CSMD1: variants seen among roughly 807,000 people sequenced by gnomAD.
CSMD1 encodes the protein CUB and Sushi multiple domains 1, also known as CUB and sushi domain-containing protein 1.
CSMD1 carries 213 observed loss-of-function variants against 417.5 expected under a neutral mutation model. The observed-to-expected ratio is 0.51, with a 90% CI of 0.46 to 0.57. The LOEUF (loss-of-function observed/expected upper bound fraction) is 0.57. Among genes scored for constraint, CSMD1 ranks in the 20% least tolerant of loss-of-function variants. CSMD1 has a pLI of 0.00. For synonymous variants in CSMD1, 2,862 were observed against 1,736.8 expected (o/e 1.65, Z -16.11); for missense variants, 6,923 against 4,529.7 (o/e 1.53, Z -15.17).
intron 5 of CSMD1, among the ~76,000 whole-genome samples, chr8:3,912,300 A>C (rs1584952653): frequency 6.6e-6 from 1 of 152,150 alleles, no homozygotes; most frequent in African/African-American, 2.4e-5. Flanking sequence ...AATATTTTAT[A>C]TTTTAGTGAT....
chr8:4,161,630 A>G (rs569406757), intron 3 of CSMD1, among the ~76,000 whole-genome samples: 3 of 152,322 alleles, frequency 2.0e-5, no homozygotes, highest in African/African-American at 4.8e-5. Context: ...TAAAATGTCA[A>G]AAGTTTAATG....
chr8:3,882,232 T>C (rs769817310), intron 5 of CSMD1, among the ~76,000 whole-genome samples: 1 of 151,776 alleles, frequency 6.6e-6, no homozygotes, highest in Non-Finnish European at 1.5e-5. Context: ...GAAAAAAAAG[T>C]AATTGATTTG....
In CSMD1 at chr8:3,798,094, G is replaced by C. The variant is rs80089682; in HGVS notation, c.819-44052C>G. Among the ~76,000 whole-genome samples the C allele has an allele frequency of 6.7e-3, 1,020 of 151,978 alleles. 5 individuals are homozygous for C. The highest frequency in any genetic ancestry group is 0.011 in the Non-Finnish European group (771 of 67,864). Reference sequence around the variant, plus strand: ...AAGTATTGTGATGATTGAAGTCTTAGTGGGTTTTTTATTATTTATTTAGAG... The same window carrying C: ...AAGTATTGTGATGATTGAAGTCTTACTGGGTTTTTTATTATTTATTTAGAG... On this transcript the variant is annotated intron_variant, in intron 5 of 69. Coordinates refer to ENST00000635120, the MANE Select transcript of CSMD1 (RefSeq NM_033225.6).
At chr8:3,098,246 A>C (rs1815471990) in intron 46 of CSMD1, among the ~76,000 whole-genome samples, 1 of 152,222 alleles carries the variant, frequency 6.6e-6, no homozygotes, top group African/African-American at 2.4e-5. Context: ...AGCTTTTGTT[A>C]AATTTATTTA....
chr8:4,786,412 C>G (rs941291409), intron 1 of CSMD1, among the ~76,000 whole-genome samples: 1 of 152,168 alleles, frequency 6.6e-6, no homozygotes, highest in Non-Finnish European at 1.5e-5. Flanking sequence ...AATAAATAAT[C>G]ACTTCTAATG....
At chr8:3,276,018 T>A (rs1007020936) in intron 26 of CSMD1, among the ~76,000 whole-genome samples, 1 of 152,166 alleles carries the variant, frequency 6.6e-6, no homozygotes, top group Non-Finnish European at 1.5e-5. Context: ...CTTTTTAGAG[T>A]TTCCAGTTTT....
chr8:3,516,789 G>A (rs963527575), intron 10 of CSMD1, among the ~76,000 whole-genome samples: 1 of 152,086 alleles, frequency 6.6e-6, no homozygotes, highest in South Asian at 2.1e-4. Flanking sequence ...ACTAAAAGTA[G>A]AACTACCATT....
intron 2 of CSMD1, among the ~76,000 whole-genome samples, chr8:4,543,638 G>C (rs1797499222): frequency 7.6e-6 from 1 of 130,724 alleles, no homozygotes; most frequent in South Asian, 2.5e-4. Flanking sequence ...ACCTATGATG[G>C]CTGGATCATA....
chr8:4,780,671 G>A (rs1380068080), intron 1 of CSMD1, among the ~76,000 whole-genome samples: 4 of 152,036 alleles, frequency 2.6e-5, no homozygotes, highest in Admixed American at 1.3e-4. Flanking sequence ...CCCATCACCC[G>A]AGTGGTATAC....
At chr8:4,281,622 T>C (rs1796789745) in intron 3 of CSMD1, among the ~76,000 whole-genome samples, 2 of 152,198 alleles carry the variant, frequency 1.3e-5, no homozygotes, top group Admixed American at 1.3e-4. Context: ...GTTAAAGCTT[T>C]TAACTTTTAT....
intron 3 of CSMD1, among the ~76,000 whole-genome samples, chr8:4,061,323 AC>A (rs1270164660): frequency 6.6e-6 from 1 of 152,202 alleles, no homozygotes; most frequent in Non-Finnish European, 1.5e-5. Context: ...TTAACAAGGA[AC>A]CACTAAAAAT....
chr8:3,075,852 T>C lies in CSMD1; in HGVS notation c.7474+11245A>G, dbSNP rs1042438515. Among the ~76,000 whole-genome samples the C allele has an allele frequency of 3.1e-4, 44 of 143,832 alleles. 1 individual carries two copies. The highest frequency in any genetic ancestry group is 1.1e-3 in the African/African-American group (43 of 38,484). 94.4% of individuals were successfully genotyped at this position (143,832 alleles called of 152,430 possible). On this transcript the variant is annotated intron_variant, in intron 49 of 69. Transcript: ENST00000635120. ...GTCAGGAGATCGAGACCATCCTGGG[T>C]AACATGGGGAAACACTGTCTCTACT...
intron 2 of CSMD1, among the ~76,000 whole-genome samples, chr8:4,458,632 C>G (rs1003224918): frequency 6.6e-6 from 1 of 152,230 alleles, no homozygotes; most frequent in African/African-American, 2.4e-5. Flanking sequence ...GCAGCAAAAT[C>G]AATGAGAATG....
Position 3,052,606 on chromosome 8 carries a change from A to G in CSMD1, c.7516T>C (p.Phe2506Leu), listed in dbSNP as rs1563283488. 3.7e-6 allele frequency: 6 copies of G among 1,612,144 alleles called. No homozygotes were observed. The highest frequency in any genetic ancestry group is 5.1e-6 in the Non-Finnish European group (6 of 1,179,158). Residue 2506 changes from phenylalanine (F) to leucine (L), a missense_variant, in exon 50 of 70, where the codon TTT becomes CTT. Physicochemically the swap from Phe to Leu is conservative, Grantham distance 22. Transcript: ENST00000635120. ...GIPESPGNGS[F>L]TGNEFTLDSK... ...TCCAAAGTGAACTCGTTCCCGGTAA[A>G]TGAACCGTTTCCTGGGGATTCTGGG...
intron 3 of CSMD1, among the ~76,000 whole-genome samples, chr8:4,113,069 C>G (rs1042409529): frequency 1.3e-5 from 2 of 152,110 alleles, no homozygotes; most frequent in East Asian, 1.9e-4. Context: ...CACAAACACC[C>G]CCATGTAAGA....
intron 3 of CSMD1, among the ~76,000 whole-genome samples, chr8:4,073,327 A>C (rs1489245616): frequency 6.6e-6 from 1 of 152,202 alleles, no homozygotes; most frequent in Non-Finnish European, 1.5e-5. Context: ...AAAATGAAGA[A>C]TTGTGAAAGC....
At chr8:4,324,612 A>G (rs1311960483) in intron 3 of CSMD1, among the ~76,000 whole-genome samples, 1 of 152,230 alleles carries the variant, frequency 6.6e-6, no homozygotes, top group African/African-American at 2.4e-5. Context: ...GTCAGTGGCC[A>G]TTTATGACCT....
At chr8:4,080,177 C>A (rs767123612) in intron 3 of CSMD1, among the ~76,000 whole-genome samples, 1 of 152,024 alleles carries the variant, frequency 6.6e-6, no homozygotes, top group Non-Finnish European at 1.5e-5. Flanking sequence ...TTCTATGAAT[C>A]TTTACTTGGG....
At chr8:4,115,504 T>G in intron 3 of CSMD1, among the ~76,000 whole-genome samples, 1 of 152,196 alleles carries the variant, frequency 6.6e-6, no homozygotes, top group East Asian at 1.9e-4. Flanking sequence ...AACTAAAAAT[T>G]ATCTTGAAAA....
Sources: allele counts gnomAD v4.1 joint callset (sites outside exome capture counted in the v4.1 genomes callset), GRCh38; gene constraint gnomAD v4.1.1; transcripts MANE v1.5; gene names NCBI Gene and HGNC (gene_info 2026-07-23, HGNC 2026-07-21).